SOX5: variants seen among roughly 807,000 people sequenced by gnomAD.
SOX5 encodes the protein transcription factor SOX-5.
In SOX5, 9 loss-of-function variants were observed where a neutral mutation model predicts 92.0. That is an observed-to-expected ratio of 0.10 (90% CI 0.06 to 0.17). The LOEUF is 0.17. Among genes scored for constraint, SOX5 ranks in the 10% least tolerant of loss-of-function variants. The probability of loss-of-function intolerance (pLI) is 1.00; values close to 1 mark genes in which losing one functional copy is unlikely to be tolerated. For missense variants in SOX5, 642 were observed against 944.5 expected (o/e 0.68, Z 4.20); for synonymous variants, 344 against 336.3 (o/e 1.02, Z -0.25).
At chr12:23,814,261 C>T (rs756480938) in intron 3 of SOX5, among the ~76,000 whole-genome samples, 7 of 152,164 alleles carry the variant, frequency 4.6e-5, no homozygotes, top group Non-Finnish European at 8.8e-5. Flanking sequence ...AATGGATTCT[C>T]TTGCATTGCC....
chr12:24,070,246 T>G (rs1941548109), intron 4 of SOX5, among the ~76,000 whole-genome samples: 1 of 152,152 alleles, frequency 6.6e-6, no homozygotes, highest in African/African-American at 2.4e-5. Flanking sequence ...TTCCACCCCT[T>G]CCTACAGACC....
intron 4 of SOX5, among the ~76,000 whole-genome samples, chr12:24,015,071 C>CCT (rs1407428335): frequency 1.3e-5 from 2 of 151,534 alleles, no homozygotes; most frequent in South Asian, 2.1e-4. Flanking sequence ...TCTCTCTTTC[C>CCT]CTCTCTCTCT....
intron 3 of SOX5, among the ~76,000 whole-genome samples, chr12:24,218,632 A>T (rs1005872678): frequency 6.6e-6 from 1 of 152,206 alleles, no homozygotes; most frequent in Non-Finnish European, 1.5e-5. Flanking sequence ...TGTATGGTAC[A>T]TAAATTATAA....
At chr12:24,320,881 A>C (rs958203212) in intron 2 of SOX5, among the ~76,000 whole-genome samples, 7 of 149,546 alleles carry the variant, frequency 4.7e-5, no homozygotes, top group Non-Finnish European at 7.4e-5. Flanking sequence ...AAATAATAAT[A>C]ATAATAATAA....
chr12:24,198,255 G>A (rs905347683), intron 4 of SOX5, among the ~76,000 whole-genome samples: 3 of 152,020 alleles, frequency 2.0e-5, no homozygotes, highest in African/African-American at 7.3e-5. Context: ...GGAGAGGGAG[G>A]GGTTGGGGAG....
At chr12:23,883,717 T>C (rs1470361878) in intron 2 of SOX5, among the ~76,000 whole-genome samples, 3 of 151,572 alleles carry the variant, frequency 2.0e-5, no homozygotes, top group African/African-American at 7.3e-5. Flanking sequence ...TCATTATATA[T>C]CTCATAATCT....
intron 9 of SOX5, chr12:23,582,079 C>G: frequency 3.5e-6 from 3 of 860,488 alleles, no homozygotes; most frequent in Non-Finnish European, 4.2e-6. Context: ...CTATTATCCT[C>G]TCTGATGAAA....
At chr12:24,065,756 C>T in intron 4 of SOX5, among the ~76,000 whole-genome samples, 1 of 151,892 alleles carries the variant, frequency 6.6e-6, no homozygotes. Flanking sequence ...CTTACAATGA[C>T]CAATGTCAAC....
At chr12:23,811,536 T>C (rs554807151) in intron 3 of SOX5, among the ~76,000 whole-genome samples, 1 of 152,266 alleles carries the variant, frequency 6.6e-6, no homozygotes, top group Admixed American at 6.5e-5. Flanking sequence ...AAGGTTTTTA[T>C]GTTTATTTGA....
In SOX5 at chr12:24,449,191, C is replaced by T. The variant is rs1027027932; in HGVS notation, c.-250-80552G>A. ...CTACACAGTCTACAACCTCCTTACC[C>T]CTTCTTACAAACCTCCAACAGCTCA... is the stretch of plus-strand genomic sequence containing the variant. On this transcript the variant is annotated intron_variant, in intron 1 of 4. Coordinates refer to the SOX5 transcript ENST00000446891. 3.3e-5 allele frequency among the ~76,000 whole-genome samples: 5 copies of T among 152,166 alleles called. No homozygotes were observed. In the South Asian group the frequency reaches 1.0e-3, roughly 31 times the overall value.
chr12:24,513,520 C>G (rs1401875178), intron 1 of SOX5, among the ~76,000 whole-genome samples: 1 of 152,192 alleles, frequency 6.6e-6, no homozygotes, highest in East Asian at 1.9e-4. Flanking sequence ...CCAAGGTACA[C>G]TATTCTTTAC....
intron 1 of SOX5, among the ~76,000 whole-genome samples, chr12:24,556,156 C>T (rs1348334940): frequency 6.6e-6 from 1 of 152,222 alleles, no homozygotes; most frequent in African/African-American, 2.4e-5. Context: ...AAAAGGCTCT[C>T]CCGGCCTTGT....
chr12:24,418,823 A>G (rs920896635), intron 1 of SOX5, among the ~76,000 whole-genome samples: 7 of 152,132 alleles, frequency 4.6e-5, no homozygotes, highest in African/African-American at 1.7e-4. Flanking sequence ...CTGCTCTCTG[A>G]TTTGTCTTAG....
At chr12:24,422,983 C>G (rs1966163196) in intron 1 of SOX5, among the ~76,000 whole-genome samples, 1 of 152,156 alleles carries the variant, frequency 6.6e-6, no homozygotes, top group South Asian at 2.1e-4. Context: ...TGCACTCCAG[C>G]CTGGGTGACA....
At chr12:24,174,520 G>GA (rs776322517) in intron 4 of SOX5, among the ~76,000 whole-genome samples, 3 of 147,390 alleles carry the variant, frequency 2.0e-5, no homozygotes, top group African/African-American at 7.5e-5. Context: ...GTGGGGGGGG[G>GA]AACCCACAAA....
Position 23,626,685 on chromosome 12 carries a change from T to C in SOX5, c.1017+14127A>G, listed in dbSNP as rs868228944. 7.5e-3 allele frequency among the ~76,000 whole-genome samples: 1,130 copies of C among 150,610 alleles called. 19 individuals are homozygous for C. The highest frequency in any genetic ancestry group is 0.026 in the African/African-American group (1,079 of 40,990). ...TTTCATTAGTGCTTTTTTTTTTTTT[T>C]TTTTTATCTTATCCCTTTCTCCATG... On this transcript the variant is annotated intron_variant, in intron 8 of 14. Coordinates refer to ENST00000451604, the MANE Select transcript of SOX5 (RefSeq NM_006940.6).
chr12:23,876,146 A>G (rs558137945), intron 2 of SOX5, among the ~76,000 whole-genome samples: 116 of 152,316 alleles, frequency 7.6e-4, no homozygotes, highest in African/African-American at 2.6e-3. Context: ...TATTAAAAGT[A>G]TAGTAAAAGG....
chr12:24,535,831 C>A (rs1951591754), intron 1 of SOX5, among the ~76,000 whole-genome samples: 1 of 152,100 alleles, frequency 6.6e-6, no homozygotes, highest in Admixed American at 6.5e-5. Flanking sequence ...CCTCTGAAAA[C>A]CATTCTCTAC....
intron 14 of SOX5, 40 bp downstream of exon 14, chr12:23,536,413 G>A: frequency 6.8e-7 from 1 of 1,472,918 alleles, no homozygotes; most frequent in Non-Finnish European, 9.5e-7. Context: ...AGTATAACAG[G>A]AAGTTTGCCC....
Sources: gnomAD v4.1 joint callset for allele counts (sites outside exome capture counted in the v4.1 genomes callset) on GRCh38, gnomAD v4.1.1 for gene constraint, MANE v1.5 for transcripts, NCBI Gene and HGNC (gene_info 2026-07-23, HGNC 2026-07-21) for gene names.